Variants in MECOM observed in about 807,000 individuals in gnomAD.
MECOM encodes the protein histone-lysine N-methyltransferase MECOM.
MECOM carries 13 observed loss-of-function variants against 116.3 expected under a neutral mutation model. The observed-to-expected ratio is 0.11, with a 90% CI of 0.07 to 0.18. The LOEUF (loss-of-function observed/expected upper bound fraction) is 0.18, where lower values mean the gene tolerates loss of function less well. MECOM is among the 10% of genes least tolerant of loss of function. The probability of loss-of-function intolerance (pLI) is 1.00; values close to 1 mark genes in which losing one functional copy is unlikely to be tolerated. For synonymous variants in MECOM, 528 were observed against 535.2 expected, an observed-to-expected ratio of 0.99 and a Z score of 0.19; for missense variants, 1,299 against 1,509.0, an observed-to-expected ratio of 0.86 and a Z score of 2.31.
At chr3:169,374,853 T>C (rs1053786656) in intron 2 of MECOM, among the ~76,000 whole-genome samples, 23 of 151,794 alleles carry the variant, frequency 1.5e-4, no homozygotes, top group African/African-American at 5.6e-4. Flanking sequence ...GGCAACATAA[T>C]GAGACCCCAT....
intron 1 of MECOM, among the ~76,000 whole-genome samples, chr3:169,421,928 A>G (rs1052403994): frequency 6.6e-6 from 1 of 152,148 alleles, no homozygotes; most frequent in African/African-American, 2.4e-5. Context: ...CTGAAGAATA[A>G]TTAGCATAGA....
intron 2 of MECOM, among the ~76,000 whole-genome samples, chr3:169,155,147 G>A (rs375043575): frequency 2.2e-4 from 34 of 152,220 alleles, no homozygotes; most frequent in South Asian, 2.1e-3. Context: ...AAATGTATGG[G>A]GAATTACTTT....
chr3:169,525,988 A>G (rs1236507801), intron 1 of MECOM, among the ~76,000 whole-genome samples: 2 of 152,018 alleles, frequency 1.3e-5, no homozygotes. Context: ...AGATCATGCC[A>G]CTGCACTCCA....
At chr3:169,201,337 TCTTA>T (rs762836446) in intron 2 of MECOM, among the ~76,000 whole-genome samples, 13 of 152,112 alleles carry the variant, frequency 8.5e-5, no homozygotes, top group Middle Eastern at 6.8e-3. Context: ...AAATTCAATC[TCTTA>T]CTTAGCTATT....
chr3:169,189,248 C>G (rs1182575286), intron 2 of MECOM, among the ~76,000 whole-genome samples: 3 of 152,004 alleles, frequency 2.0e-5, no homozygotes, highest in African/African-American at 4.8e-5. Flanking sequence ...ATGAATGACT[C>G]TTTTGCTTGC....
At chr3:169,604,028 A>G (rs572751239) in intron 1 of MECOM, among the ~76,000 whole-genome samples, 67 of 152,310 alleles carry the variant, frequency 4.4e-4, no homozygotes, top group African/African-American at 1.5e-3. Flanking sequence ...AAAGTTTCTA[A>G]GGAAGTTTGT....
chr3:169,264,228 T>C (rs1414753930), intron 2 of MECOM, among the ~76,000 whole-genome samples: 2 of 152,124 alleles, frequency 1.3e-5, no homozygotes, highest in East Asian at 3.9e-4. Flanking sequence ...TTTCCATAAA[T>C]TGGTGGTGGT....
chr3:169,558,995 C>A (rs1485297738), intron 1 of MECOM, among the ~76,000 whole-genome samples: 1 of 151,730 alleles, frequency 6.6e-6, no homozygotes, highest in Non-Finnish European at 1.5e-5. Context: ...ATTCTACAAT[C>A]CTCTGTCTTC....
intron 8 of MECOM, 90 bp downstream of exon 8, chr3:169,115,293 A>G: frequency 7.6e-7 from 1 of 1,319,418 alleles, no homozygotes; most frequent in Non-Finnish European, 1.0e-6. Flanking sequence ...ATAATAGTAA[A>G]AATGATGTGT....
chr3:169,149,913 C>A (rs1327210220), intron 2 of MECOM, among the ~76,000 whole-genome samples: 1 of 150,142 alleles, frequency 6.7e-6, no homozygotes, highest in Non-Finnish European at 1.5e-5. Flanking sequence ...AACACTAAAT[C>A]TTAATCTCTC....
At chr3:169,493,935 C>CGT (rs1553871029) in intron 1 of MECOM, among the ~76,000 whole-genome samples, 74 of 151,662 alleles carry the variant, frequency 4.9e-4, no homozygotes, top group Non-Finnish European at 9.6e-4. Context: ...CTGACAGTAA[C>CGT]GTGGTTAAAT....
At chr3:169,179,688 T>TA (rs1247047658) in intron 2 of MECOM, among the ~76,000 whole-genome samples, 1 of 152,348 alleles carries the variant, frequency 6.6e-6, no homozygotes, top group East Asian at 1.9e-4. Context: ...TGGCACCTCT[T>TA]ACAAGCTAAT....
At chr3:169,344,014 T>A (rs1311867436) in intron 2 of MECOM, among the ~76,000 whole-genome samples, 1 of 152,124 alleles carries the variant, frequency 6.6e-6, no homozygotes, top group Admixed American at 6.6e-5. Flanking sequence ...GTTCTTAAAA[T>A]TGTTGGAAAT....
chr3:169,420,287 T>C (rs985567536), intron 1 of MECOM, among the ~76,000 whole-genome samples: 1 of 152,108 alleles, frequency 6.6e-6, no homozygotes, highest in African/African-American at 2.4e-5. Flanking sequence ...GCCAGAGTGA[T>C]GTCCTAGAAA....
intron 1 of MECOM, among the ~76,000 whole-genome samples, chr3:169,471,714 C>T (rs1749276532): frequency 6.6e-6 from 1 of 152,214 alleles, no homozygotes; most frequent in South Asian, 2.1e-4. Context: ...CCTGGCTCCT[C>T]ATCACAATGC....
chr3:169,617,151 C>T (rs571545675), intron 1 of MECOM, among the ~76,000 whole-genome samples: 35 of 151,950 alleles, frequency 2.3e-4, no homozygotes, highest in East Asian at 1.9e-4. Context: ...TGGCTTTCCC[C>T]CTCACAAAAA....
chr3:169,184,010 A>G (rs750311842), intron 2 of MECOM, among the ~76,000 whole-genome samples: 1 of 151,084 alleles, frequency 6.6e-6, no homozygotes, highest in Non-Finnish European at 1.5e-5. Context: ...GACTACAGGC[A>G]CCCGCCACCA....
At chr3:169,104,967 A>C (rs1724867232) in intron 10 of MECOM, among the ~76,000 whole-genome samples, 1 of 152,130 alleles carries the variant, frequency 6.6e-6, no homozygotes, top group Non-Finnish European at 1.5e-5. Flanking sequence ...AGGGTTACGC[A>C]AGTGTCTTAC....
chr3:169,366,277 A>G (rs1249085575), intron 2 of MECOM, among the ~76,000 whole-genome samples: 1 of 151,866 alleles, frequency 6.6e-6, no homozygotes, highest in African/African-American at 2.4e-5. Context: ...TTTAGTCTCA[A>G]TCACGTGAGC....
Sources: allele counts gnomAD v4.1 joint callset (sites outside exome capture counted in the v4.1 genomes callset), GRCh38; gene constraint gnomAD v4.1.1; transcripts MANE v1.5; gene names NCBI Gene and HGNC (gene_info 2026-07-23, HGNC 2026-07-21).